Variants in KIF13A observed in about 807,000 individuals in gnomAD.
KIF13A encodes the protein kinesin family member 13A.
A neutral mutation model predicts 212.2 loss-of-function variants in KIF13A; 79 were observed. The ratio of observed to expected loss-of-function variants is 0.37; its 90% CI spans 0.31 to 0.45. The LOEUF is 0.45. Among genes scored for constraint, KIF13A ranks in the 20% least tolerant of loss-of-function variants. KIF13A has a pLI of 1.00. For missense variants in KIF13A, 1,901 were observed against 2,209.0 expected, an observed-to-expected ratio of 0.86 and a Z score of 2.79; for synonymous variants, 789 against 808.6, an observed-to-expected ratio of 0.98 and a Z score of 0.41.
At chr6:17,978,491 A>C (rs1780784096) in intron 2 of KIF13A, among the ~76,000 whole-genome samples, 1 of 152,224 alleles carries the variant, frequency 6.6e-6, no homozygotes, top group African/African-American at 2.4e-5. Context: ...GATAGCTCTG[A>C]CATTAATAAA....
rs1254548595 is a variant in KIF13A, at chr6:17,871,720, G to C, written c.220+1657C>G. On this transcript the variant is annotated intron_variant, in intron 4 of 38. Transcript: ENST00000259711. This position sits in a 1 kb window ranked among gnomAD's most constrained non-coding sequence, Gnocchi z 4.4. ...AAGGACCTCAAATGTAGTCCAAAGA[G>C]TATAGATTTTTTCTAGCATGTGATG... 6.6e-6 allele frequency among the ~76,000 whole-genome samples: 1 copy of C among 152,146 alleles called. No homozygotes were observed. The highest frequency in any genetic ancestry group is 1.9e-4 in the East Asian group (1 of 5,204).
At chr6:17,817,330 G>C in intron 16 of KIF13A, 97 bp from the exon 17 acceptor site, 5 of 1,007,842 alleles carry the variant, frequency 5.0e-6, no homozygotes, top group Non-Finnish European at 7.6e-6. Context: ...CTCTAGCAAG[G>C]AATCTAGCCA....
intron 20 of KIF13A, 24 bp from the exon 21 acceptor site, chr6:17,800,137 T>A (rs1191073902): frequency 1.2e-6 from 2 of 1,608,320 alleles, no homozygotes; most frequent in Non-Finnish European, 1.7e-6. Flanking sequence ...CCAGAGCACC[T>A]TAGAGTGAAC....
chr6:17,954,923 T>C (rs1369514186), intron 2 of KIF13A, among the ~76,000 whole-genome samples: 1 of 152,096 alleles, frequency 6.6e-6, no homozygotes, highest in African/African-American at 2.4e-5. Flanking sequence ...AAGTAACCCT[T>C]CCACCTTGGC....
At chr6:17,908,597 G>A (rs534508335) in intron 2 of KIF13A, among the ~76,000 whole-genome samples, 5 of 151,870 alleles carry the variant, frequency 3.3e-5, no homozygotes, top group Admixed American at 6.6e-5. Context: ...GAGCGAGACT[G>A]TCTTAAAGAA....
In KIF13A at chr6:17,784,854, C is replaced by T. The variant is rs1760910484; in HGVS notation, c.3488+661G>A. Reference sequence around the variant, plus strand: ...CCTGCAGATTCAGAGTCTCTAGTTTCAGAAAACAGACCACGAAACTGATTA... The same window carrying T: ...CCTGCAGATTCAGAGTCTCTAGTTTTAGAAAACAGACCACGAAACTGATTA... On this transcript the variant is annotated intron_variant, in intron 28 of 38. Coordinates refer to ENST00000259711, the MANE Select transcript of KIF13A (RefSeq NM_022113.6). 5.3e-5 allele frequency among the ~76,000 whole-genome samples: 8 copies of T among 152,192 alleles called. No individual in the cohort carries two copies. The South Asian group carries it at 1.4e-3, about 28-fold the overall frequency.
chr6:17,779,250 TATATATA>T (rs1205568035), intron 32 of KIF13A, among the ~76,000 whole-genome samples, 151 bp from the exon 33 acceptor site: 9 of 9,548 alleles, frequency 9.4e-4, no homozygotes, highest in Non-Finnish European at 1.4e-3. Context: ...TATATATATA[TATATATA>T]TTTTTTTTTT....
At chr6:17,766,424 G>GACAGGGTTT (rs943761559) in intron 38 of KIF13A, among the ~76,000 whole-genome samples, 1 of 151,922 alleles carries the variant, frequency 6.6e-6, no homozygotes, top group African/African-American at 2.4e-5. Context: ...TTTTTATAGA[G>GACAGGGTTT]ACAGGGTTTC....
At chr6:17,928,266 T>G (rs1392919389) in intron 2 of KIF13A, among the ~76,000 whole-genome samples, 1 of 152,224 alleles carries the variant, frequency 6.6e-6, no homozygotes, top group Non-Finnish European at 1.5e-5. Context: ...GTGTTTTGTG[T>G]GAACATATTT....
chr6:17,842,770 A>G lies in KIF13A; in HGVS notation c.831-5187T>C, dbSNP rs530896076. Reference sequence around the variant, plus strand: ...ATAATGAAGAACTAAGGATAAAAAAAGTAAAAGAAAGTTGGGAGGGTCAAA... The same window carrying G: ...ATAATGAAGAACTAAGGATAAAAAAGGTAAAAGAAAGTTGGGAGGGTCAAA... On this transcript the variant is annotated intron_variant, in intron 9 of 38. Coordinates refer to ENST00000259711, the MANE Select transcript of KIF13A (RefSeq NM_022113.6). 9.2e-5 allele frequency among the ~76,000 whole-genome samples: 14 copies of G among 152,220 alleles called. No individual in the cohort carries two copies. The East Asian group carries it at 2.7e-3, about 29-fold the overall frequency.
intron 2 of KIF13A, among the ~76,000 whole-genome samples, chr6:17,983,768 G>A (rs1287692248): frequency 6.6e-6 from 1 of 152,112 alleles, no homozygotes; most frequent in Non-Finnish European, 1.5e-5. Flanking sequence ...GATTACAGGT[G>A]TGAGCTACCT....
intron 16 of KIF13A, among the ~76,000 whole-genome samples, chr6:17,820,785 C>T (rs1764361708): frequency 1.3e-5 from 2 of 152,072 alleles, no homozygotes; most frequent in South Asian, 2.1e-4. Context: ...TAGTAGGTAA[C>T]TATGCAATGA....
intron 2 of KIF13A, among the ~76,000 whole-genome samples, chr6:17,976,465 C>G (rs1469551926): frequency 3.9e-5 from 6 of 152,228 alleles, no homozygotes; most frequent in South Asian, 2.1e-4. Context: ...CCGGCAAGGC[C>G]GGCTGGCTGC....
At position 17,780,753 on chromosome 6, in the gene KIF13A, C is replaced by A. The variant is rs752203553; in HGVS notation, c.3823G>T (p.Ala1275Ser). Residue 1275 changes from alanine to serine, a missense_variant, in exon 31 of 39, where the codon GCA (alanine) becomes TCA (serine). Transcript: ENST00000259711. ...ACCTGTTTGTTGTAAATATTGGCTG[C>A]AATTCGTTTTCGTAATACTAACTCC... ...AMELVLRKRI[A>S]ANIYNKQSFT... The A allele has an allele frequency of 5.6e-6, 9 of 1,613,784 alleles. No homozygotes were observed. The highest frequency in any genetic ancestry group is 7.6e-6 in the Non-Finnish European group (9 of 1,179,868).
chr6:17,904,258 A>C (rs906591848), intron 2 of KIF13A, among the ~76,000 whole-genome samples: 7 of 152,246 alleles, frequency 4.6e-5, no homozygotes, highest in Middle Eastern at 3.4e-3. Flanking sequence ...ACTTGAGGTC[A>C]GGAGTTCAAG....
rs1334207361 is a variant in KIF13A at position 17,963,199 on chromosome 6, C to T, written c.146+23855G>A. ...TTGGGAGGCCGAGGTGGGCGGATCA[C>T]CTGAGGTGGGGAGTTCAAGACCAGC... is the stretch of plus-strand genomic sequence containing the variant. On this transcript the variant is annotated intron_variant, in intron 2 of 38. Coordinates refer to ENST00000259711, the MANE Select transcript of KIF13A (RefSeq NM_022113.6). The surrounding 1 kb of genome is among the most constrained non-coding windows in gnomAD (Gnocchi z 4.1). 2.6e-5 allele frequency among the ~76,000 whole-genome samples: 4 copies of T among 152,142 alleles called. No homozygotes were observed. Among genetic ancestry groups the T allele is most frequent in the Non-Finnish European group, 5.9e-5 (4 of 68,046 alleles).
At chr6:17,846,440 A>G (rs1366191726) in intron 9 of KIF13A, among the ~76,000 whole-genome samples, 1 of 152,108 alleles carries the variant, frequency 6.6e-6, no homozygotes, top group Admixed American at 6.6e-5. Context: ...ACTAGTAAGG[A>G]ATACACACAT....
chr6:17,850,184 A>G lies in KIF13A; in HGVS notation c.717+139T>C, dbSNP rs1767499966. On this transcript the variant is annotated intron_variant, in intron 8 of 38. Transcript: ENST00000259711. This position sits in a 1 kb window ranked among gnomAD's most constrained non-coding sequence, Gnocchi z 6.2. ...GAAAGACCTAACAAATTAAATGATAAGCAAAGTAGCTCACCTAGTAAGCAG... is the reference window on the plus strand; with the variant it reads ...GAAAGACCTAACAAATTAAATGATAGGCAAAGTAGCTCACCTAGTAAGCAG... 1.2e-6 allele frequency: 1 copy of G among 827,324 alleles called. No individual in the cohort carries two copies. Among genetic ancestry groups the G allele is most frequent in the South Asian group, 3.4e-5 (1 of 29,826 alleles). 51.2% of individuals were successfully genotyped at this position (827,324 alleles called of 1,614,324 possible).
In KIF13A at chr6:17,828,205, A is replaced by T. The variant is rs771935236; in HGVS notation, c.1532+35T>A. On this transcript the variant is annotated intron_variant, in intron 14 of 38. Coordinates refer to ENST00000259711, the MANE Select transcript of KIF13A (RefSeq NM_022113.6). This position sits in a 1 kb window ranked among gnomAD's most constrained non-coding sequence, Gnocchi z 4.3. The stretch of plus-strand genomic sequence containing the variant: ...CCTTCTCCTTCTGAAAATAAGGCAC[A>T]CAAGACACGTGAAGTCACCATTTAC... The T allele has an allele frequency of 1.3e-6, 2 of 1,597,818 alleles. No homozygotes were observed. The highest frequency in any genetic ancestry group is 4.5e-5 in the East Asian group (2 of 44,506).
Sources: allele counts gnomAD v4.1 joint callset (sites outside exome capture counted in the v4.1 genomes callset), GRCh38; gene constraint gnomAD v4.1.1; non-coding constraint Gnocchi (gnomAD v3.1); transcripts MANE v1.5; gene names NCBI Gene and HGNC (gene_info 2026-07-23, HGNC 2026-07-21).